The following RASA1 variants were observed in gnomAD, a reference collection of about 807,000 sequenced individuals.
The protein encoded by RASA1 is RAS p21 protein activator 1.
In RASA1, 25 loss-of-function variants were observed where a neutral mutation model predicts 132.2. The observed-to-expected ratio is 0.19, with a 90% CI of 0.14 to 0.26. RASA1 has a LOEUF of 0.26. Among genes scored for constraint, RASA1 ranks in the 10% least tolerant of loss-of-function variants. The probability of loss-of-function intolerance (pLI) is 1.00; values close to 1 mark genes in which losing one functional copy is unlikely to be tolerated. For synonymous variants in RASA1, 477 were observed against 449.9 expected (o/e 1.06, Z -0.76); for missense variants, 964 against 1,299.2 (o/e 0.74, Z 3.97).
chr5:87,304,939 C>CTTTTTTTT (rs756572506), intron 1 of RASA1, among the ~76,000 whole-genome samples: 2 of 64,410 alleles, frequency 3.1e-5, no homozygotes, highest in Non-Finnish European at 3.3e-5. Context: ...TCTTTTAGTC[C>CTTTTTTTT]TTTTTTTTTT....
intron 6 of RASA1, among the ~76,000 whole-genome samples, chr5:87,345,170 G>C (rs1255489582): frequency 6.6e-6 from 1 of 151,908 alleles, no homozygotes; most frequent in Admixed American, 6.6e-5. Flanking sequence ...ATAAGAGCAG[G>C]GACTCATCTT....
At chr5:87,352,796 A>T (rs912392442) in intron 8 of RASA1, among the ~76,000 whole-genome samples, 1 of 151,716 alleles carries the variant, frequency 6.6e-6, no homozygotes, top group Non-Finnish European at 1.5e-5. Flanking sequence ...GTTTCTGTGA[A>T]TTCTTCATTC....
At chr5:87,320,145 C>A (rs990899735) in intron 1 of RASA1, among the ~76,000 whole-genome samples, 2 of 152,206 alleles carry the variant, frequency 1.3e-5, no homozygotes, top group African/African-American at 4.8e-5. Context: ...TCTGAGACCA[C>A]ATCAGCCTGG....
At chr5:87,330,050 A>G (rs892570332) in intron 1 of RASA1, among the ~76,000 whole-genome samples, 3 of 152,154 alleles carry the variant, frequency 2.0e-5, no homozygotes, top group African/African-American at 2.4e-5. Flanking sequence ...TTCTTCCTCT[A>G]GTACTAACAG....
At chr5:87,339,811 C>G (rs1421605511) in intron 5 of RASA1, among the ~76,000 whole-genome samples, 1 of 151,992 alleles carries the variant, frequency 6.6e-6, no homozygotes, top group Admixed American at 6.6e-5. Context: ...AATTTTCACT[C>G]CAATATGTAG....
Position 87,349,374 on chromosome 5 carries a change from A to C in RASA1, c.1253+10A>C, listed in dbSNP as rs1311691105. On this transcript the variant is annotated intron_variant, in intron 8 of 24. Coordinates refer to ENST00000274376, the MANE Select transcript of RASA1 (RefSeq NM_002890.3). ...GCCGGTATTATAACAGGTAAATCAT[A>C]ATTTTTTAGCTATCTTTTACTTTTC... is the stretch of plus-strand genomic sequence containing the variant. 1 of 1,610,786 alleles carries C rather than the reference A, an allele frequency of 6.2e-7. No individual in the cohort carries two copies. Among genetic ancestry groups the C allele is most frequent in the East Asian group, 2.2e-5 (1 of 44,668 alleles).
intron 1 of RASA1, chr5:87,269,350 T>A (rs1167475616): frequency 6.6e-7 from 1 of 1,506,010 alleles, no homozygotes; most frequent in Non-Finnish European, 8.9e-7. Context: ...TATTAACTTG[T>A]GTGTGTTACT....
chr5:87,337,587 A>C (rs190694851), intron 4 of RASA1, among the ~76,000 whole-genome samples: 2 of 152,082 alleles, frequency 1.3e-5, no homozygotes, highest in Non-Finnish European at 2.9e-5. Context: ...TCTACCCTAC[A>C]TCTGAAAGAG....
rs543493749 is a variant in RASA1, at chr5:87,374,675, C to A, written c.1935-165C>A. On this transcript the variant is annotated intron_variant, in intron 14 of 24. Coordinates refer to ENST00000274376, the MANE Select transcript of RASA1 (RefSeq NM_002890.3). The stretch of plus-strand genomic sequence containing the variant: ...GAAAAGTGTGTAATCTGCGTGTCTT[C>A]TGTATACCAAATAATAAAATATGTT... Among the ~76,000 whole-genome samples, 242 of 151,090 alleles carry A rather than the reference C, an allele frequency of 1.6e-3. 2 individuals are homozygous for A. Among genetic ancestry groups the A allele is most frequent in the African/African-American group, 5.7e-3 (233 of 41,212 alleles).
intron 23 of RASA1, among the ~76,000 whole-genome samples, chr5:87,389,111 T>G (rs1020989050): frequency 1.3e-4 from 20 of 152,144 alleles, no homozygotes; most frequent in Admixed American, 1.2e-3. Flanking sequence ...ATTAAAAAAA[T>G]TATCTAATAT....
At chr5:87,336,762 A>T (rs1561290941) in intron 4 of RASA1, among the ~76,000 whole-genome samples, 1 of 152,024 alleles carries the variant, frequency 6.6e-6, no homozygotes, top group Non-Finnish European at 1.5e-5. Context: ...TAATGTGCTT[A>T]TTTAGGTGGT....
At chr5:87,326,544 G>A (rs976391088) in intron 1 of RASA1, among the ~76,000 whole-genome samples, 3 of 152,094 alleles carry the variant, frequency 2.0e-5, no homozygotes, top group African/African-American at 7.2e-5. Context: ...ATCTTCCTTA[G>A]AGAGGCAAAG....
chr5:87,369,397 G>A (rs1760762870), intron 11 of RASA1, among the ~76,000 whole-genome samples: 1 of 152,044 alleles, frequency 6.6e-6, no homozygotes, highest in African/African-American at 2.4e-5. Context: ...AGAAAAATTT[G>A]AAAATACAGA....
chr5:87,275,363 A>G (rs2112235475), intron 1 of RASA1, among the ~76,000 whole-genome samples: 1 of 152,284 alleles, frequency 6.6e-6, no homozygotes, highest in Admixed American at 6.5e-5. Context: ...TAGTGGCTAA[A>G]ACAATTGTGT....
intron 11 of RASA1, among the ~76,000 whole-genome samples, chr5:87,367,171 A>G (rs1402857583): frequency 6.6e-6 from 1 of 152,250 alleles, no homozygotes; most frequent in African/African-American, 2.4e-5. Context: ...GGCAAATAGC[A>G]TTAACAAAGT....
Position 87,341,337 on chromosome 5 carries a change from T to C in RASA1, c.1049+16T>C, listed in dbSNP as rs1353303200. On this transcript the variant is annotated intron_variant, in intron 6 of 24. Transcript: ENST00000274376. ...AAGGAAAAATGTGAGTTTGTGTTAA[T>C]TATTAAAATGAAAAAAAAAATCTAT... The C allele has an allele frequency of 9.3e-6, 12 of 1,296,880 alleles. No homozygotes were observed. The highest frequency in any genetic ancestry group is 9.7e-6 in the Non-Finnish European group (10 of 1,027,166). 80.3% of individuals were successfully genotyped at this position (1,296,880 alleles called of 1,614,324 possible).
intron 1 of RASA1, among the ~76,000 whole-genome samples, chr5:87,324,263 A>G (rs1375961317): frequency 3.3e-5 from 5 of 152,198 alleles, no homozygotes; most frequent in Non-Finnish European, 5.9e-5. Context: ...GCCTCCTGCT[A>G]GTAGGTATTG....
Position 87,331,395 on chromosome 5 carries a change from G to C in RASA1, c.587G>C (p.Arg196Thr). 6.2e-7 allele frequency: 1 copy of C among 1,613,076 alleles called. No individual in the cohort carries two copies. ...AGAACGATAGCAGAAGAACGCCTCA[G>C]GCAGGCAGGGAAGTCTGGCAGTTAT... Reference protein sequence around the residue: ...LDRTIAEERLRQAGKSGSYLI... With the variant: ...LDRTIAEERLTQAGKSGSYLI... The change falls in exon 2 of 25, where the codon AGG becomes ACG. Residue 196 changes from arginine to threonine, a missense_variant. Arg to Thr is a moderately conservative substitution (Grantham distance 71). Coordinates refer to ENST00000274376, the MANE Select transcript of RASA1 (RefSeq NM_002890.3).
chr5:87,302,462 G>A (rs1378485639), intron 1 of RASA1, among the ~76,000 whole-genome samples: 4 of 150,648 alleles, frequency 2.7e-5, no homozygotes, highest in Non-Finnish European at 4.4e-5. Context: ...GTCTTTTGAT[G>A]AGTATATATC....
Sources: gnomAD v4.1 joint callset for allele counts (sites outside exome capture counted in the v4.1 genomes callset) on GRCh38, gnomAD v4.1.1 for gene constraint, MANE v1.5 for transcripts, NCBI Gene and HGNC (gene_info 2026-07-23, HGNC 2026-07-21) for gene names.